STK38L: variants seen among roughly 807,000 people sequenced by gnomAD.
STK38L encodes the protein serine/threonine kinase 38 like, also known as serine/threonine-protein kinase 38-like.
A neutral mutation model predicts 59.7 loss-of-function variants in STK38L; 28 were observed. That is an observed-to-expected ratio of 0.47 (90% CI 0.35 to 0.64). The LOEUF (loss-of-function observed/expected upper bound fraction) is 0.64. Among genes scored for constraint, STK38L ranks in the 30% least tolerant of loss-of-function variants. The pLI is 0.01. For synonymous variants in STK38L, 162 were observed against 176.8 expected (o/e 0.92, Z 0.66); for missense variants, 314 against 555.8 (o/e 0.56, Z 4.37).
intron 1 of STK38L, among the ~76,000 whole-genome samples, chr12:27,252,145 A>G (rs1163393632): frequency 1.3e-5 from 2 of 152,050 alleles, no homozygotes; most frequent in Middle Eastern, 3.2e-3. Context: ...ACACCTGGCT[A>G]ATTTTTTGTA....
At chr12:27,288,046 C>T (rs1399331169) in intron 1 of STK38L, among the ~76,000 whole-genome samples, 1 of 152,228 alleles carries the variant, frequency 6.6e-6, no homozygotes, top group African/African-American at 2.4e-5. Flanking sequence ...CCATGCCCAG[C>T]TAATTCTGTA....
intron 6 of STK38L, among the ~76,000 whole-genome samples, chr12:27,313,671 C>T (rs952471172): frequency 2.7e-5 from 4 of 150,698 alleles, no homozygotes; most frequent in Non-Finnish European, 4.5e-5. Flanking sequence ...GCGTGAACCA[C>T]TGCCCCTGGC....
chr12:27,290,760 G>A (rs1943878891), intron 1 of STK38L, among the ~76,000 whole-genome samples: 1 of 152,194 alleles, frequency 6.6e-6, no homozygotes, highest in Admixed American at 6.6e-5. Flanking sequence ...ATTGTAAGGG[G>A]CCGGCTGCAG....
At chr12:27,319,902 T>C (rs1183372124) in intron 12 of STK38L, among the ~76,000 whole-genome samples, 1 of 152,184 alleles carries the variant, frequency 6.6e-6, no homozygotes, top group African/African-American at 2.4e-5. Flanking sequence ...CAAACTACCA[T>C]TGGTAGTTCT....
At chr12:27,266,212 GAGA>G (rs1350395625) in intron 1 of STK38L, among the ~76,000 whole-genome samples, 4 of 152,216 alleles carry the variant, frequency 2.6e-5, no homozygotes, top group African/African-American at 9.6e-5. Context: ...TAGTGGTATA[GAGA>G]AGTTTTTAAA....
chr12:27,279,122 C>T (rs958899369), intron 1 of STK38L, among the ~76,000 whole-genome samples: 5 of 152,136 alleles, frequency 3.3e-5, no homozygotes, highest in African/African-American at 9.7e-5. Flanking sequence ...GCCTCATTTT[C>T]GGACCATCAT....
intron 1 of STK38L, among the ~76,000 whole-genome samples, chr12:27,266,487 G>A (rs1943304028): frequency 6.6e-6 from 1 of 152,180 alleles, no homozygotes; most frequent in African/African-American, 2.4e-5. Flanking sequence ...TACCCTAACA[G>A]TGGTAGAAAT....
intron 1 of STK38L, among the ~76,000 whole-genome samples, chr12:27,285,595 T>G (rs1321741122): frequency 6.6e-6 from 1 of 151,996 alleles, no homozygotes; most frequent in Non-Finnish European, 1.5e-5. Context: ...GCTCCTCCCC[T>G]TCCCTTTGCC....
At chr12:27,291,357 A>G (rs761870706) in intron 1 of STK38L, among the ~76,000 whole-genome samples, 1 of 152,018 alleles carries the variant, frequency 6.6e-6, no homozygotes, top group Non-Finnish European at 1.5e-5. Flanking sequence ...TGACTGGTGA[A>G]CTCTTACTAT....
At chr12:27,290,143 A>AT (rs1292011525) in intron 1 of STK38L, among the ~76,000 whole-genome samples, 2 of 152,270 alleles carry the variant, frequency 1.3e-5, no homozygotes, top group African/African-American at 4.8e-5. Flanking sequence ...GACGTATCTC[A>AT]GTCCTTTTAC....
At chr12:27,257,004 C>T (rs771282210) in intron 1 of STK38L, among the ~76,000 whole-genome samples, 4 of 152,184 alleles carry the variant, frequency 2.6e-5, no homozygotes, top group African/African-American at 7.2e-5. Context: ...AAGGTATATA[C>T]CTCACTTACC....
chr12:27,312,242 AT>A (rs1175628589), intron 5 of STK38L, among the ~76,000 whole-genome samples: 1 of 152,206 alleles, frequency 6.6e-6, no homozygotes, highest in Non-Finnish European at 1.5e-5. Context: ...CAAAGCCAGG[AT>A]CCTAGGCTGG....
intron 1 of STK38L, among the ~76,000 whole-genome samples, chr12:27,268,318 T>G (rs1212767856): frequency 2.0e-5 from 3 of 152,076 alleles, no homozygotes; most frequent in African/African-American, 7.2e-5. Context: ...CCGTCCTGTG[T>G]CCATGTGTTC....
intron 1 of STK38L, among the ~76,000 whole-genome samples, chr12:27,270,379 CTTAT>C (rs902926175): frequency 2.6e-5 from 4 of 151,326 alleles, no homozygotes; most frequent in East Asian, 2.0e-4. Context: ...CTGATTGATT[CTTAT>C]TTATTTATTT....
chr12:27,245,169 G>C (rs1418959061), intron 1 of STK38L, among the ~76,000 whole-genome samples: 1 of 152,202 alleles, frequency 6.6e-6, no homozygotes, highest in Non-Finnish European at 1.5e-5. Flanking sequence ...AAAGAAGTGG[G>C]AGGTGGGGGG....
chr12:27,286,579 T>G (rs1025842991), intron 1 of STK38L, among the ~76,000 whole-genome samples: 1 of 152,324 alleles, frequency 6.6e-6, no homozygotes. Context: ...CATCAATCAT[T>G]TCATTTAATT....
At chr12:27,262,758 C>G (rs1229235455) in intron 1 of STK38L, among the ~76,000 whole-genome samples, 1 of 147,294 alleles carries the variant, frequency 6.8e-6, no homozygotes, top group African/African-American at 2.5e-5. Context: ...TTAAAGTACA[C>G]TAAGAATAAA....
At chr12:27,296,055 G>C (rs1399392123) in intron 1 of STK38L, among the ~76,000 whole-genome samples, 1 of 152,200 alleles carries the variant, frequency 6.6e-6, no homozygotes, top group East Asian at 1.9e-4. Flanking sequence ...CTAGCTATGT[G>C]ACTTGCCCCA....
intron 1 of STK38L, among the ~76,000 whole-genome samples, chr12:27,284,246 G>A (rs1943721884): frequency 6.6e-6 from 1 of 152,214 alleles, no homozygotes; most frequent in South Asian, 2.1e-4. Flanking sequence ...GGGTAGTACA[G>A]TGTCCTGGAG....
Sources: gnomAD v4.1 joint callset for allele counts (sites outside exome capture counted in the v4.1 genomes callset) on GRCh38, gnomAD v4.1.1 for gene constraint, MANE v1.5 for transcripts, NCBI Gene and HGNC (gene_info 2026-07-23, HGNC 2026-07-21) for gene names.